The following RARB variants were observed in gnomAD, a reference collection of about 807,000 sequenced individuals.
RARB encodes the protein HBV-activated protein.
In RARB, 17 loss-of-function variants were observed where a neutral mutation model predicts 51.9. The observed-to-expected ratio is 0.33, with a 90% confidence interval of 0.22 to 0.49. The LOEUF (loss-of-function observed/expected upper bound fraction) is 0.49. Ranked by LOEUF, RARB falls within the 20% of genes least tolerant of loss-of-function variation. The pLI is 0.99. For synonymous variants in RARB, 215 were observed against 195.4 expected, an observed-to-expected ratio of 1.10 and a Z score of -0.84; for missense variants, 369 against 550.8, an observed-to-expected ratio of 0.67 and a Z score of 3.30.
chr3:25,545,274 C>T (rs539184544), intron 3 of RARB, among the ~76,000 whole-genome samples: 1 of 152,196 alleles, frequency 6.6e-6, no homozygotes, highest in East Asian at 1.9e-4. Context: ...ATCTGGCATA[C>T]CTTTGTACTT....
chr3:25,569,335 G>T (rs1414213588), intron 3 of RARB, among the ~76,000 whole-genome samples: 1 of 152,192 alleles, frequency 6.6e-6, no homozygotes. Flanking sequence ...GTGTAGCTAG[G>T]AAATACTAAT....
chr3:25,536,243 C>T (rs985467021), intron 3 of RARB, among the ~76,000 whole-genome samples: 1 of 152,166 alleles, frequency 6.6e-6, no homozygotes, highest in Non-Finnish European at 1.5e-5. Context: ...AGTGACTTTT[C>T]TAAAGTCACA....
At chr3:25,331,788 AAAG>A (rs1393950087) in intron 5 of RARB, among the ~76,000 whole-genome samples, 23 of 152,314 alleles carry the variant, frequency 1.5e-4, no homozygotes, top group African/African-American at 5.3e-4. Context: ...CAGGACTAAT[AAAG>A]AAGAAAAGAG....
chr3:25,156,222 A>G (rs965490079), intron 4 of RARB, among the ~76,000 whole-genome samples: 7 of 152,174 alleles, frequency 4.6e-5, no homozygotes, highest in African/African-American at 1.4e-4. Context: ...TTGATAACGA[A>G]TGGGTCTGTG....
intron 5 of RARB, among the ~76,000 whole-genome samples, chr3:25,217,962 A>G (rs942509721): frequency 3.3e-5 from 5 of 152,164 alleles, no homozygotes; most frequent in Non-Finnish European, 7.3e-5. Flanking sequence ...CCATGAATCC[A>G]TATGGTTCTC....
chr3:25,558,628 AATCT>A (rs1700152318), intron 3 of RARB, among the ~76,000 whole-genome samples: 1 of 150,656 alleles, frequency 6.6e-6, no homozygotes, highest in African/African-American at 2.5e-5. Context: ...ACTCCTAAAT[AATCT>A]AACTTTGGAG....
intron 5 of RARB, among the ~76,000 whole-genome samples, chr3:25,208,498 C>T (rs1253834276): frequency 2.6e-5 from 4 of 151,996 alleles, no homozygotes; most frequent in African/African-American, 9.7e-5. Context: ...ATCAATAAAG[C>T]CCATCTTAGG....
At chr3:25,508,685 G>A (rs1697732842) in intron 3 of RARB, among the ~76,000 whole-genome samples, 1 of 152,036 alleles carries the variant, frequency 6.6e-6, no homozygotes, top group South Asian at 2.1e-4. Flanking sequence ...TGATCATTTT[G>A]TTCTGTTCAC....
intron 5 of RARB, among the ~76,000 whole-genome samples, chr3:25,328,289 A>G (rs1704784370): frequency 6.6e-6 from 1 of 152,182 alleles, no homozygotes; most frequent in Admixed American, 6.5e-5. Context: ...AAAGACTGAG[A>G]CGGGCGGATC....
chr3:24,904,632 T>C (rs2125374232), intron 2 of RARB, among the ~76,000 whole-genome samples: 3 of 152,306 alleles, frequency 2.0e-5, no homozygotes, highest in Middle Eastern at 6.8e-3. Flanking sequence ...GAACTAGAAA[T>C]ATCATTTGAC....
chr3:25,176,770 T>C (rs1256241316), intron 5 of RARB, among the ~76,000 whole-genome samples: 1 of 152,202 alleles, frequency 6.6e-6, no homozygotes, highest in East Asian at 1.9e-4. Flanking sequence ...TATCTAAGCC[T>C]CTTTTGCACT....
intron 5 of RARB, among the ~76,000 whole-genome samples, chr3:25,197,778 A>G (rs1407584943): frequency 6.6e-6 from 1 of 152,040 alleles, no homozygotes; most frequent in Non-Finnish European, 1.5e-5. Flanking sequence ...TAAGTTGAAG[A>G]AGACACAAAA....
chr3:25,351,500 C>T lies in RARB; in HGVS notation c.179-109693C>T, dbSNP rs914103615. ...CCTAGATCTGTCACTTGTGGGACCT[C>T]GCCTTTGAATGCCCAGTCTATTTCT... On this transcript the variant is annotated intron_variant, in intron 5 of 11. Coordinates refer to the RARB transcript ENST00000383772. Among the ~76,000 whole-genome samples the T allele has an allele frequency of 3.9e-5, 6 of 152,094 alleles. No homozygotes were observed. In the East Asian group the frequency reaches 7.7e-4, roughly 20 times the overall value.
chr3:24,898,913 G>A (rs1400401027), intron 2 of RARB, among the ~76,000 whole-genome samples: 1 of 152,052 alleles, frequency 6.6e-6, no homozygotes, highest in Non-Finnish European at 1.5e-5. Context: ...AGTAACAGAG[G>A]GCTCTTCTCC....
intron 2 of RARB, among the ~76,000 whole-genome samples, chr3:24,974,843 A>G (rs973725809): frequency 1.3e-5 from 2 of 152,174 alleles, no homozygotes; most frequent in Admixed American, 1.3e-4. Context: ...AGGTCTTTAG[A>G]CATAGCCGGA....
At chr3:25,503,046 A>G (rs1055310149) in intron 3 of RARB, among the ~76,000 whole-genome samples, 1 of 152,226 alleles carries the variant, frequency 6.6e-6, no homozygotes, top group South Asian at 2.1e-4. Context: ...TGCATGTGCC[A>G]TTCCTTCTGG....
intron 5 of RARB, among the ~76,000 whole-genome samples, chr3:25,193,079 G>T (rs1302273308): frequency 6.6e-6 from 1 of 152,044 alleles, no homozygotes; most frequent in Non-Finnish European, 1.5e-5. Flanking sequence ...TGAGTTACAG[G>T]CATGAGGGCC....
At chr3:25,142,161 G>A (rs777366083) in intron 4 of RARB, among the ~76,000 whole-genome samples, 7 of 152,016 alleles carry the variant, frequency 4.6e-5, no homozygotes, top group Admixed American at 2.6e-4. Context: ...GCGAAACCCC[G>A]TCTCTACTAA....
chr3:25,202,239 T>A (rs1701412257), intron 5 of RARB, among the ~76,000 whole-genome samples: 1 of 152,196 alleles, frequency 6.6e-6, no homozygotes, highest in Non-Finnish European at 1.5e-5. Context: ...TTTATAGTAT[T>A]CTCTGATGGT....
Sources: allele counts gnomAD v4.1 joint callset (sites outside exome capture counted in the v4.1 genomes callset), GRCh38; gene constraint gnomAD v4.1.1; transcripts MANE v1.5; gene names NCBI Gene and HGNC (gene_info 2026-07-23, HGNC 2026-07-21).